The following CCDC126 variants were observed in gnomAD, a reference collection of about 807,000 sequenced individuals.
CCDC126 encodes coiled-coil domain-containing protein 126.
CCDC126 carries 5 observed loss-of-function variants against 11.7 expected under a neutral mutation model. The observed-to-expected ratio is 0.43, with a 90% CI of 0.22 to 0.90. CCDC126 has a LOEUF of 0.90. CCDC126 is among the 40% of genes least tolerant of loss of function. The pLI, the probability that CCDC126 is intolerant of heterozygous loss-of-function variation, is 0.27. For synonymous variants in CCDC126, 60 were observed against 61.9 expected (o/e 0.97, Z 0.14); for missense variants, 150 against 163.1 (o/e 0.92, Z 0.44).
At chr7:23,623,439 A>G (rs1359955787) in intron 3 of CCDC126, among the ~76,000 whole-genome samples, 1 of 152,050 alleles carries the variant, frequency 6.6e-6, no homozygotes, top group African/African-American at 2.4e-5. Context: ...TGTACTAAGA[A>G]TACAAAGTTG....
chr7:23,642,848 G>C (rs1783387269), intron 3 of CCDC126, 83 bp from the exon 4 acceptor site: 1 of 1,134,178 alleles, frequency 8.8e-7, no homozygotes, highest in African/African-American at 1.5e-5. Flanking sequence ...CCCAGTAGTT[G>C]TTCACCTTTT....
At chr7:23,612,138 T>TC (rs1782722031) in intron 3 of CCDC126, among the ~76,000 whole-genome samples, 1 of 124,524 alleles carries the variant, frequency 8.0e-6, no homozygotes, top group Admixed American at 9.0e-5. Context: ...AGAGCAAGAC[T>TC]CCGTCTCAAA....
intron 3 of CCDC126, among the ~76,000 whole-genome samples, chr7:23,624,389 C>T (rs1390747491): frequency 1.3e-5 from 2 of 152,058 alleles, no homozygotes; most frequent in African/African-American, 2.4e-5. Flanking sequence ...GTCGTCCTTC[C>T]ACCTCGGCCT....
At position 23,612,513 on chromosome 7, in the gene CCDC126, GA is replaced by G. The variant is rs1221336003; in HGVS notation, c.238+970del. ...AAAAAAAAAAAAAACAAAGAAAAAA[GA>G]AAAAAAAAATTAGCCAGGCATGGTG... On this transcript the variant is annotated intron_variant, in intron 3 of 3. Coordinates refer to ENST00000307471, the MANE Select transcript of CCDC126 (RefSeq NM_138771.4). Among the ~76,000 whole-genome samples the G allele has an allele frequency of 2.3e-3, 210 of 92,506 alleles. 1 individual carries two copies. Among genetic ancestry groups the G allele is most frequent in the African/African-American group, 6.9e-3 (185 of 26,924 alleles). The allele number at this position is 92,506 out of a possible 152,430, so 60.7% of individuals were successfully genotyped here.
chr7:23,638,835 A>G (rs1222826535), intron 3 of CCDC126, among the ~76,000 whole-genome samples: 1 of 135,846 alleles, frequency 7.4e-6, no homozygotes, highest in Non-Finnish European at 1.6e-5. Flanking sequence ...ATGTTGTTTG[A>G]TTATGATGTA....
intron 3 of CCDC126, among the ~76,000 whole-genome samples, chr7:23,640,598 A>G (rs1204670821): frequency 1.3e-5 from 2 of 152,114 alleles, no homozygotes; most frequent in East Asian, 3.9e-4. Flanking sequence ...AACTTGTACC[A>G]CTCCAAACAA....
At chr7:23,638,727 T>TAAAAAA (rs70954398) in intron 3 of CCDC126, among the ~76,000 whole-genome samples, 1 of 89,664 alleles carries the variant, frequency 1.1e-5, no homozygotes, top group East Asian at 3.0e-4. Context: ...AAAAAAAAAT[T>TAAAAAA]AAAAAAAAAA....
intron 2 of CCDC126, among the ~76,000 whole-genome samples, chr7:23,607,635 T>C (rs1372607856): frequency 6.6e-6 from 1 of 152,192 alleles, no homozygotes; most frequent in Non-Finnish European, 1.5e-5. Context: ...TCTCTGAGAA[T>C]AGAACAGTGA....
At chr7:23,604,976 C>T (rs1185943006) in intron 2 of CCDC126, among the ~76,000 whole-genome samples, 4 of 140,796 alleles carry the variant, frequency 2.8e-5, no homozygotes, top group Non-Finnish European at 3.0e-5. Flanking sequence ...CCAGCCTGGG[C>T]GACAGAGCAA....
chr7:23,612,564 T>G (rs1482951143), intron 3 of CCDC126, among the ~76,000 whole-genome samples: 2 of 146,852 alleles, frequency 1.4e-5, no homozygotes, highest in African/African-American at 5.1e-5. Flanking sequence ...TCTTAGCTAG[T>G]CGGGAGGCTG....
At chr7:23,642,762 CA>C (rs1178284907) in intron 3 of CCDC126, among the ~76,000 whole-genome samples, 168 bp from the exon 4 acceptor site, 359 of 129,122 alleles carry the variant, frequency 2.8e-3, no homozygotes, top group Middle Eastern at 0.012. Context: ...AACTCCATCT[CA>C]AAAAAAAAAA....
At chr7:23,628,905 C>T (rs1325299092) in intron 3 of CCDC126, among the ~76,000 whole-genome samples, 2 of 152,146 alleles carry the variant, frequency 1.3e-5, no homozygotes, top group Admixed American at 6.5e-5. Context: ...GAGGAGCCCA[C>T]CACCCTTGAG....
intron 3 of CCDC126, among the ~76,000 whole-genome samples, chr7:23,639,537 C>G (rs571918323): frequency 6.6e-6 from 1 of 152,098 alleles, no homozygotes; most frequent in African/African-American, 2.4e-5. Flanking sequence ...ATGTTTATTT[C>G]TTTTTGGTAC....
In CCDC126 at chr7:23,640,139, C is replaced by T. The variant is rs569760828; in HGVS notation, c.239-2792C>T. ...TGGAGGTTGCAGTGATCCGAAATTG[C>T]TCCAGTGCACTCCAGCCTGGGTGAC... On this transcript the variant is annotated intron_variant, in intron 3 of 3. Transcript: ENST00000307471. Among the ~76,000 whole-genome samples, 6 of 151,642 alleles carry T rather than the reference C, an allele frequency of 4.0e-5. No homozygotes were observed. In the South Asian group the frequency reaches 1.3e-3, roughly 32 times the overall value.
Position 23,611,234 on chromosome 7 carries a change from TC to T in CCDC126, c.-81del. On this transcript the variant is annotated 5_prime_UTR_variant, in exon 3 of 4. Transcript: ENST00000307471. Reference sequence around the variant, plus strand: ...ATATACAATATTGAGGATATTTTTTTCTTTTTTTTTTCAAGTCTTGATTTGT... The same window carrying T: ...ATATACAATATTGAGGATATTTTTTTTTTTTTTTTTCAAGTCTTGATTTGT... 1.2e-6 allele frequency: 1 copy of T among 818,002 alleles called. No homozygotes were observed. Among genetic ancestry groups the T allele is most frequent in the Non-Finnish European group, 2.1e-6 (1 of 487,442 alleles). 50.7% of individuals were successfully genotyped at this position (818,002 alleles called of 1,614,324 possible). A position where few individuals can be genotyped will look rare whatever the true frequency, so the allele number is the denominator to read the frequency against.
intron 3 of CCDC126, among the ~76,000 whole-genome samples, chr7:23,628,912 T>C (rs568289361): frequency 6.6e-6 from 1 of 152,068 alleles, no homozygotes; most frequent in African/African-American, 2.4e-5. Context: ...CCACCACCCT[T>C]GAGTATTGTG....
At chr7:23,600,380 C>CT (rs914279709) in intron 2 of CCDC126, among the ~76,000 whole-genome samples, 3 of 136,030 alleles carry the variant, frequency 2.2e-5, no homozygotes, top group African/African-American at 5.9e-5. Flanking sequence ...GTTAACCCCC[C>CT]CCCCCCCACC....
chr7:23,614,079 A>G (rs895774020), intron 3 of CCDC126, among the ~76,000 whole-genome samples: 2 of 152,198 alleles, frequency 1.3e-5, no homozygotes, highest in Non-Finnish European at 2.9e-5. Flanking sequence ...ATAAAATGAG[A>G]CAATAATGAA....
chr7:23,622,622 A>G (rs1265703623), intron 3 of CCDC126: 2 of 536,086 alleles, frequency 3.7e-6, no homozygotes, highest in African/African-American at 3.8e-5. Context: ...GGCTCTAAGG[A>G]TAGCCAAGGA....
Sources: gnomAD v4.1 joint callset for allele counts (sites outside exome capture counted in the v4.1 genomes callset) on GRCh38, gnomAD v4.1.1 for gene constraint, MANE v1.5 for transcripts, NCBI Gene and HGNC (gene_info 2026-07-23, HGNC 2026-07-21) for gene names.